Variants in ACSL4 observed in about 807,000 individuals in gnomAD.
The protein encoded by ACSL4 is long-chain-fatty-acid--CoA ligase 4.
A neutral mutation model predicts 49.1 loss-of-function variants in ACSL4; 9 were observed. The observed-to-expected ratio is 0.18, with a 90% confidence interval of 0.11 to 0.32. ACSL4 has a LOEUF of 0.32. Among genes scored for constraint, ACSL4 ranks in the 10% least tolerant of loss-of-function variants. The pLI is 1.00. For missense variants in ACSL4, 333 were observed against 493.7 expected, an observed-to-expected ratio of 0.67 and a Z score of 3.08; for synonymous variants, 191 against 170.3, an observed-to-expected ratio of 1.12 and a Z score of -0.95.
intron 1 of ACSL4, among the ~76,000 whole-genome samples, chrX:109,703,084 G>GT (rs1926088568): frequency 8.9e-6 from 1 of 111,939 alleles, no homozygotes; most frequent in Admixed American, 9.5e-5. Context: ...CCCCAAATAT[G>GT]TATTAATAAA....
chrX:109,724,800 T>C (rs919253357), intron 1 of ACSL4, among the ~76,000 whole-genome samples: 1 of 110,321 alleles, frequency 9.1e-6, no homozygotes, highest in African/African-American at 3.3e-5. Context: ...TAATCCCAGC[T>C]ACTCGGGTGG....
At chrX:109,703,255 G>A (rs1287781979) in intron 1 of ACSL4, among the ~76,000 whole-genome samples, 1 of 111,665 alleles carries the variant, frequency 9.0e-6, no homozygotes, top group Non-Finnish European at 1.9e-5. Context: ...GAAGAACACA[G>A]CATCATTTTT....
chrX:109,707,540 T>C lies in ACSL4; in HGVS notation c.-65-11344A>G, dbSNP rs894662792. ...ACCAGAGGCGGAGCTCAGGCAGAAA[T>C]GCTCACTTGTCGCTCACCTCCTGCT... On this transcript the variant is annotated intron_variant, in intron 1 of 15. Transcript: ENST00000672401. Among the ~76,000 whole-genome samples, 7 of 111,373 alleles carry C rather than the reference T, an allele frequency of 6.3e-5. No homozygotes were observed. In the South Asian group the frequency reaches 1.5e-3, roughly 24 times the overall value.
chrX:109,712,077 G>A (rs1926788380), intron 1 of ACSL4, among the ~76,000 whole-genome samples: 1 of 111,617 alleles, frequency 9.0e-6, no homozygotes, highest in African/African-American at 3.3e-5. Flanking sequence ...TCATATATTA[G>A]GAGTCTCATC....
At position 109,641,848 on chromosome X, in the gene ACSL4, G is replaced by T. The variant is rs1934453213; in HGVS notation, c.*2181C>A. 1 of 112,694 alleles carries T rather than the reference G, an allele frequency of 8.9e-6. No individual in the cohort carries two copies. Among genetic ancestry groups the T allele is most frequent in the Non-Finnish European group, 1.9e-5 (1 of 53,202 alleles). The allele number at this position is 112,694 out of a possible 1,213,427, so 9.3% of individuals were successfully genotyped here. A position where few individuals can be genotyped will look rare whatever the true frequency, so the allele number is the denominator to read the frequency against. On this transcript the variant is annotated 3_prime_UTR_variant, in exon 16 of 16. Coordinates refer to ENST00000672401, the MANE Select transcript of ACSL4 (RefSeq NM_001318510.2). ...TTTTTAAAGTACAACTTTAGTTGAT[G>T]GCTGATGTGTATGTAATAACTGTGA...
At chrX:109,733,045 G>C (rs1928597823) in intron 1 of ACSL4, 94 bp downstream of exon 1, 1 of 329,013 alleles carries the variant, frequency 3.0e-6, no homozygotes, top group Non-Finnish European at 5.9e-6. Context: ...TCCCGGCTCA[G>C]GTGAGGTACG....
intron 14 of ACSL4, among the ~76,000 whole-genome samples, chrX:109,660,734 G>A (rs755469958): frequency 2.8e-3 from 312 of 111,686 alleles, no homozygotes; most frequent in Non-Finnish European, 5.0e-3. Flanking sequence ...GGATACAATG[G>A]AATATTGTTA....
intron 15 of ACSL4, among the ~76,000 whole-genome samples, chrX:109,644,481 A>G: frequency 8.9e-6 from 1 of 111,769 alleles, no homozygotes; most frequent in Non-Finnish European, 1.9e-5. Flanking sequence ...ATATACATAC[A>G]TATACACATT....
At chrX:109,671,180 G>A (rs187610482) in intron 9 of ACSL4, among the ~76,000 whole-genome samples, 1,251 of 109,593 alleles carry the variant, frequency 0.011, 9 homozygotes, top group Non-Finnish European at 0.017. Flanking sequence ...AGGAAGTGAG[G>A]AGTGTCTCTG....
chrX:109,644,977 G>A (rs753879246), intron 15 of ACSL4, among the ~76,000 whole-genome samples: 34 of 113,003 alleles, frequency 3.0e-4, no homozygotes, highest in South Asian at 3.6e-4. Context: ...CTTAAAAAAC[G>A]GTGCACCAGG....
At chrX:109,658,618 C>T (rs1416624988) in intron 15 of ACSL4, among the ~76,000 whole-genome samples, 2 of 112,145 alleles carry the variant, frequency 1.8e-5, no homozygotes, top group African/African-American at 6.5e-5. Flanking sequence ...TCCCTGCACA[C>T]ATCATCCTTT....
chrX:109,705,987 G>A (rs1926328745), intron 1 of ACSL4, among the ~76,000 whole-genome samples: 1 of 112,822 alleles, frequency 8.9e-6, no homozygotes, highest in Admixed American at 9.3e-5. Flanking sequence ...GTAAGCCATG[G>A]CGCCAGGCCC....
chrX:109,700,998 G>T (rs746145648), intron 1 of ACSL4, among the ~76,000 whole-genome samples: 4 of 110,478 alleles, frequency 3.6e-5, no homozygotes, highest in African/African-American at 1.3e-4. Flanking sequence ...AGCCGAGATC[G>T]CACCACTGCA....
At chrX:109,652,052 AGG>A (rs1921185879) in intron 15 of ACSL4, among the ~76,000 whole-genome samples, 1 of 111,621 alleles carries the variant, frequency 9.0e-6, no homozygotes, top group Non-Finnish European at 1.9e-5. Context: ...TGTGACTTGC[AGG>A]TGGCAGCAAA....
intron 2 of ACSL4, among the ~76,000 whole-genome samples, chrX:109,686,367 C>T (rs979578478): frequency 1.8e-5 from 2 of 111,990 alleles, no homozygotes; most frequent in African/African-American, 6.5e-5. Context: ...TCATAATCTA[C>T]CAACACACCA....
intron 1 of ACSL4, among the ~76,000 whole-genome samples, chrX:109,710,991 A>G (rs1163242619): frequency 1.8e-5 from 2 of 113,078 alleles, no homozygotes; most frequent in Non-Finnish European, 3.7e-5. Context: ...GATTACAGGC[A>G]TGAGCCACTG....
intron 1 of ACSL4, among the ~76,000 whole-genome samples, chrX:109,719,490 C>T (rs768534180): frequency 1.8e-5 from 2 of 112,277 alleles, no homozygotes; most frequent in South Asian, 7.4e-4. Context: ...TCAGTTCTAA[C>T]TAAGTCCACA....
chrX:109,729,200 C>T (rs1050825558), intron 1 of ACSL4, among the ~76,000 whole-genome samples: 5 of 110,269 alleles, frequency 4.5e-5, no homozygotes, highest in East Asian at 5.6e-4. Flanking sequence ...GGCAACAGAG[C>T]GAGACTCCGT....
At chrX:109,724,670 G>T (rs1927824783) in intron 1 of ACSL4, among the ~76,000 whole-genome samples, 1 of 110,678 alleles carries the variant, frequency 9.0e-6, no homozygotes, top group African/African-American at 3.3e-5. Flanking sequence ...TCAGCACTTT[G>T]GGAAGCTGAG....
Sources: gnomAD v4.1 joint callset for allele counts (sites outside exome capture counted in the v4.1 genomes callset) on GRCh38, gnomAD v4.1.1 for gene constraint, MANE v1.5 for transcripts, NCBI Gene and HGNC (gene_info 2026-07-23, HGNC 2026-07-21) for gene names.